CLSTN2: variants seen among roughly 807,000 people sequenced by gnomAD.
CLSTN2 encodes the protein calsyntenin 2.
A neutral mutation model predicts 101.2 loss-of-function variants in CLSTN2; 48 were observed. The ratio of observed to expected loss-of-function variants is 0.47; its 90% CI spans 0.38 to 0.60. CLSTN2 has a LOEUF of 0.60. CLSTN2 is among the 20% of genes least tolerant of loss of function. CLSTN2 has a pLI of 0.00. For missense variants in CLSTN2, 1,160 were observed against 1,238.2 expected, an observed-to-expected ratio of 0.94 and a Z score of 0.95; for synonymous variants, 481 against 463.6, an observed-to-expected ratio of 1.04 and a Z score of -0.48.
chr3:140,069,249 C>T (rs2008351715), intron 1 of CLSTN2, among the ~76,000 whole-genome samples: 1 of 152,220 alleles, frequency 6.6e-6, no homozygotes, highest in Non-Finnish European at 1.5e-5. Flanking sequence ...ACAAGTCTCT[C>T]ACCTTTGGTG....
In CLSTN2 at chr3:140,538,667, T is replaced by C. The variant is rs563962229; in HGVS notation, c.1507+6181T>C. On this transcript the variant is annotated intron_variant, in intron 9 of 16. Coordinates refer to ENST00000458420, the MANE Select transcript of CLSTN2 (RefSeq NM_022131.3). ...TTCATTTAATAAGCTTGGTCTAATT[T>C]AGTACAAACTTCTCTTAATAAAGTC... Among the ~76,000 whole-genome samples, 5 of 152,228 alleles carry C rather than the reference T, an allele frequency of 3.3e-5. No individual in the cohort carries two copies. In the South Asian group the frequency reaches 1.0e-3, roughly 32 times the overall value.
intron 1 of CLSTN2, among the ~76,000 whole-genome samples, chr3:140,095,403 A>G (rs1402813832): frequency 6.6e-6 from 1 of 152,220 alleles, no homozygotes; most frequent in Non-Finnish European, 1.5e-5. Context: ...CCCTCAGGCC[A>G]AATATCCAAA....
At chr3:140,042,522 T>TTTA (rs910130107) in intron 1 of CLSTN2, among the ~76,000 whole-genome samples, 7 of 152,016 alleles carry the variant, frequency 4.6e-5, no homozygotes, top group South Asian at 2.1e-4. Flanking sequence ...TGTAGTTTCT[T>TTTA]TTATTATTAT....
At chr3:140,122,699 C>T (rs2009362930) in intron 1 of CLSTN2, among the ~76,000 whole-genome samples, 1 of 152,130 alleles carries the variant, frequency 6.6e-6, no homozygotes, top group East Asian at 1.9e-4. Flanking sequence ...TCTCCAGAGG[C>T]CCCCAAGTGA....
chr3:140,304,682 A>G (rs888429375), intron 2 of CLSTN2, among the ~76,000 whole-genome samples: 2 of 152,026 alleles, frequency 1.3e-5, no homozygotes, highest in African/African-American at 4.8e-5. Flanking sequence ...TTTGAAGATG[A>G]CTCTCCAGGG....
intron 1 of CLSTN2, among the ~76,000 whole-genome samples, chr3:139,948,678 C>T (rs1442433336): frequency 5.9e-5 from 9 of 152,236 alleles, no homozygotes; most frequent in African/African-American, 1.7e-4. Flanking sequence ...TGCTTTTACT[C>T]ACATTTTCCA....
At chr3:140,434,422 A>G (rs2088667447) in intron 5 of CLSTN2, among the ~76,000 whole-genome samples, 1 of 152,186 alleles carries the variant, frequency 6.6e-6, no homozygotes, top group Non-Finnish European at 1.5e-5. Context: ...GCACCCAACC[A>G]GCCCCTGGGA....
intron 1 of CLSTN2, among the ~76,000 whole-genome samples, chr3:140,161,031 G>A (rs184039262): frequency 5.9e-5 from 9 of 152,158 alleles, no homozygotes; most frequent in Admixed American, 3.9e-4. Flanking sequence ...TAACACACAC[G>A]GAGCACCTAC....
At chr3:140,375,022 T>C (rs1376602165) in intron 2 of CLSTN2, among the ~76,000 whole-genome samples, 1 of 152,228 alleles carries the variant, frequency 6.6e-6, no homozygotes, top group Non-Finnish European at 1.5e-5. Context: ...TAGGAGCCAA[T>C]GTGGTAGCTC....
chr3:140,204,943 A>G (rs1486969758), intron 2 of CLSTN2, among the ~76,000 whole-genome samples: 1 of 152,126 alleles, frequency 6.6e-6, no homozygotes, highest in Non-Finnish European at 1.5e-5. Context: ...GCCTCATGAC[A>G]CTATTGACTT....
chr3:139,983,999 C>G (rs1187438789), intron 1 of CLSTN2, among the ~76,000 whole-genome samples: 1 of 152,128 alleles, frequency 6.6e-6, no homozygotes, highest in Non-Finnish European at 1.5e-5. Flanking sequence ...TTCTTTCATT[C>G]TTCATTCTCT....
chr3:140,148,189 G>A (rs1465734183), intron 1 of CLSTN2, among the ~76,000 whole-genome samples: 2 of 152,218 alleles, frequency 1.3e-5, no homozygotes, highest in Non-Finnish European at 2.9e-5. Flanking sequence ...ACTTTGTGGG[G>A]ACCTTAGAGG....
intron 6 of CLSTN2, among the ~76,000 whole-genome samples, chr3:140,453,710 T>C (rs1015030448): frequency 1.3e-4 from 20 of 152,246 alleles, no homozygotes; most frequent in South Asian, 2.1e-4. Context: ...TATCTAAATA[T>C]TGCATTGTAT....
At chr3:139,968,788 A>G (rs1935646667) in intron 1 of CLSTN2, among the ~76,000 whole-genome samples, 1 of 152,380 alleles carries the variant, frequency 6.6e-6, no homozygotes, top group Middle Eastern at 3.4e-3. Context: ...ACTATAAAAA[A>G]GAAATTAAAT....
At chr3:140,064,228 A>T (rs934514078) in intron 1 of CLSTN2, among the ~76,000 whole-genome samples, 4 of 152,212 alleles carry the variant, frequency 2.6e-5, no homozygotes, top group Non-Finnish European at 5.9e-5. Flanking sequence ...GGCCATCAAC[A>T]GTTATGCAAT....
chr3:140,552,339 A>G (rs1160983928), intron 10 of CLSTN2, among the ~76,000 whole-genome samples: 2 of 151,818 alleles, frequency 1.3e-5, no homozygotes, highest in African/African-American at 4.8e-5. Flanking sequence ...GTAGAGATGC[A>G]AGTACAAACA....
At chr3:139,965,486 TCAGGG>T (rs1935579480) in intron 1 of CLSTN2, among the ~76,000 whole-genome samples, 2 of 152,208 alleles carry the variant, frequency 1.3e-5, no homozygotes, top group African/African-American at 4.8e-5. Flanking sequence ...GGCCATGGTC[TCAGGG>T]CCTCCCTTCT....
intron 6 of CLSTN2, chr3:140,453,291 A>G (rs1170462810): frequency 6.6e-6 from 1 of 152,052 alleles, no homozygotes. Flanking sequence ...CTGTTGAACA[A>G]AAGACCACAG....
chr3:140,466,841 GA>G, intron 8 of CLSTN2, 110 bp downstream of exon 8: 1 of 1,453,680 alleles, frequency 6.9e-7, no homozygotes. Context: ...ACCACTTGCT[GA>G]ATTTTGGAAA....
Sources: gnomAD v4.1 joint callset for allele counts (sites outside exome capture counted in the v4.1 genomes callset) on GRCh38, gnomAD v4.1.1 for gene constraint, MANE v1.5 for transcripts, NCBI Gene and HGNC (gene_info 2026-07-23, HGNC 2026-07-21) for gene names.